The following GRIN2B variants were observed in gnomAD, a reference collection of about 807,000 sequenced individuals.
GRIN2B encodes glutamate receptor ionotropic, NMDA 2B.
A neutral mutation model predicts 114.5 loss-of-function variants in GRIN2B; 5 were observed. That is an observed-to-expected ratio of 0.04 (90% CI 0.02 to 0.09). GRIN2B has a LOEUF of 0.09. Among genes scored for constraint, GRIN2B ranks in the 10% least tolerant of loss-of-function variants. The pLI is 1.00. For synonymous variants in GRIN2B, 787 were observed against 745.1 expected, an observed-to-expected ratio of 1.06 and a Z score of -0.92; for missense variants, 1,108 against 1,943.5, an observed-to-expected ratio of 0.57 and a Z score of 8.08.
intron 10 of GRIN2B, among the ~76,000 whole-genome samples, chr12:13,577,274 G>A (rs1260641335): frequency 1.3e-5 from 2 of 152,216 alleles, no homozygotes; most frequent in Non-Finnish European, 2.9e-5. Context: ...ACTTGCACAA[G>A]GGCAAAACAA....
At chr12:13,751,361 G>A (rs1863480979) in intron 4 of GRIN2B, among the ~76,000 whole-genome samples, 2 of 152,182 alleles carry the variant, frequency 1.3e-5, no homozygotes, top group South Asian at 2.1e-4. Flanking sequence ...TGGCTGCAAT[G>A]TAAATTGAAA....
intron 10 of GRIN2B, among the ~76,000 whole-genome samples, chr12:13,608,079 G>C (rs1483118890): frequency 6.6e-6 from 1 of 152,170 alleles, no homozygotes; most frequent in Non-Finnish European, 1.5e-5. Context: ...ACCACACAGG[G>C]GCAATCATCC....
In GRIN2B at chr12:13,912,562, T is replaced by C. The variant is rs147897486; in HGVS notation, c.-18-46336A>G. Among the ~76,000 whole-genome samples, 13 of 152,308 alleles carry C rather than the reference T, an allele frequency of 8.5e-5. No homozygotes were observed. In the East Asian group the frequency reaches 1.9e-3, roughly 23 times the overall value. The stretch of plus-strand genomic sequence containing the variant: ...CCTCCTGCTCGGAGCTCCGTACTTG[T>C]GGGCACAGGGTGCGGATGTAGCCTT... On this transcript the variant is annotated intron_variant, in intron 2 of 13. Coordinates refer to ENST00000609686, the MANE Select transcript of GRIN2B (RefSeq NM_000834.5).
chr12:13,581,762 T>C (rs1948852935), intron 10 of GRIN2B, among the ~76,000 whole-genome samples: 1 of 151,864 alleles, frequency 6.6e-6, no homozygotes, highest in South Asian at 2.1e-4. Context: ...ATACAAAAAT[T>C]AGCCAGGTGT....
intron 4 of GRIN2B, among the ~76,000 whole-genome samples, chr12:13,710,455 G>GACAC (rs1312035576): frequency 6.6e-6 from 1 of 152,138 alleles, no homozygotes; most frequent in Non-Finnish European, 1.5e-5. Context: ...GTTTGCAGAT[G>GACAC]ACACGATTGT....
At chr12:13,918,840 C>T (rs1866774664) in intron 2 of GRIN2B, among the ~76,000 whole-genome samples, 1 of 152,140 alleles carries the variant, frequency 6.6e-6, no homozygotes. Context: ...TTAGTCCCTC[C>T]CTTCTGTGAT....
intron 10 of GRIN2B, among the ~76,000 whole-genome samples, chr12:13,594,717 T>G (rs1408373031): frequency 6.8e-6 from 1 of 148,058 alleles, no homozygotes. Flanking sequence ...TAGTGCCAAG[T>G]GGAAGGGCAG....
intron 4 of GRIN2B, among the ~76,000 whole-genome samples, chr12:13,736,602 A>T (rs927358257): frequency 2.0e-5 from 3 of 151,414 alleles, no homozygotes; most frequent in Non-Finnish European, 2.9e-5. Context: ...ACTTTCAAAT[A>T]AAAAAAAAGC....
At chr12:13,602,788 G>C (rs1345263400) in intron 10 of GRIN2B, among the ~76,000 whole-genome samples, 1 of 152,176 alleles carries the variant, frequency 6.6e-6, no homozygotes, top group East Asian at 1.9e-4. Flanking sequence ...CAGTGTTGCA[G>C]GCAAAGATAG....
At chr12:13,755,094 C>T (rs557626774) in intron 3 of GRIN2B, among the ~76,000 whole-genome samples, 1 of 152,258 alleles carries the variant, frequency 6.6e-6, no homozygotes, top group Admixed American at 6.5e-5. Flanking sequence ...CATTTTATAG[C>T]AATCCAGGCT....
At chr12:13,713,087 G>A (rs552109088) in intron 4 of GRIN2B, among the ~76,000 whole-genome samples, 1 of 151,938 alleles carries the variant, frequency 6.6e-6, no homozygotes, top group Non-Finnish European at 1.5e-5. Flanking sequence ...ATATAGGCAG[G>A]ATAGAAGTAA....
chr12:13,646,699 A>C (rs917308910), intron 5 of GRIN2B, among the ~76,000 whole-genome samples: 1 of 148,930 alleles, frequency 6.7e-6, no homozygotes, highest in Non-Finnish European at 1.5e-5. Flanking sequence ...TTCCGTATTT[A>C]TTTTCATTTT....
rs140573925 is a variant in GRIN2B at position 13,564,412 on chromosome 12, C to T, written c.2826G>A (p.Thr942=). The change falls in exon 14 of 14, where the codon ACG becomes ACA. Residue 942 remains threonine (T), a synonymous_variant. Transcript: ENST00000609686. This position sits in a 1 kb window ranked among gnomAD's most constrained non-coding sequence, Gnocchi z 4.8. The stretch of plus-strand genomic sequence containing the variant: ...TGTTGTAGGATTTGCAGTCAGAATG[C>T]GTGAAGCTGCGGCGGTGCTCTGAGA... ...YDISEHRRSF[T]HSDCKSYNNP... 129 of 1,614,222 alleles carry T rather than the reference C, an allele frequency of 8.0e-5. No homozygotes were observed. Among genetic ancestry groups the T allele is most frequent in the Non-Finnish European group, 1.0e-4 (118 of 1,180,040 alleles).
intron 3 of GRIN2B, among the ~76,000 whole-genome samples, chr12:13,801,636 G>A (rs1864515980): frequency 6.6e-6 from 1 of 152,100 alleles, no homozygotes; most frequent in African/African-American, 2.4e-5. Context: ...ATTCCTTCCG[G>A]GTGAGGTGAT....
intron 4 of GRIN2B, among the ~76,000 whole-genome samples, chr12:13,742,061 A>G (rs946354312): frequency 2.0e-5 from 3 of 152,240 alleles, no homozygotes; most frequent in Non-Finnish European, 1.5e-5. Context: ...AAGGCATTAC[A>G]GAGTTCTCTG....
rs145602964 is a variant in GRIN2B at position 13,564,594 on chromosome 12, A to C, written c.2644T>G (p.Ser882Ala). The C allele has an allele frequency of 5.2e-5, 84 of 1,613,852 alleles. No homozygotes were observed. The highest frequency in any genetic ancestry group is 6.4e-5 in the Non-Finnish European group (75 of 1,179,992). ...IHGVAIEERQ[S>A]VMNSPTATMN... ...GTTGCGGTGGGGGAGTTCATTACAG[A>C]CTGGCGCTCCTCGATCGCCACCCCA... Residue 882 changes from serine to alanine, a missense_variant, in exon 14 of 14, where the codon TCT becomes GCT. Coordinates refer to ENST00000609686, the MANE Select transcript of GRIN2B (RefSeq NM_000834.5). This position sits in a 1 kb window ranked among gnomAD's most constrained non-coding sequence, Gnocchi z 4.8.
At chr12:13,891,841 G>A (rs1866267856) in intron 2 of GRIN2B, among the ~76,000 whole-genome samples, 1 of 152,150 alleles carries the variant, frequency 6.6e-6, no homozygotes, top group Admixed American at 6.6e-5. Context: ...CCCAGAAGAA[G>A]CTACTGAAGA....
rs892708087 is a variant in GRIN2B at position 13,950,873 on chromosome 12, G to A, written c.-19+29055C>T. ...TTTAATACCTCCAGAATCCCTATCA[G>A]AAATAAATTCAACATGGAATGACAG... is the stretch of plus-strand genomic sequence containing the variant. On this transcript the variant is annotated intron_variant, in intron 2 of 13. Coordinates refer to ENST00000609686, the MANE Select transcript of GRIN2B (RefSeq NM_000834.5). 2.0e-5 allele frequency among the ~76,000 whole-genome samples: 3 copies of A among 152,134 alleles called. No individual in the cohort carries two copies. In the East Asian group the frequency reaches 5.8e-4, roughly 29 times the overall value.
Position 13,825,530 on chromosome 12 carries a change from G to GTGTGTGTA in GRIN2B, c.411+40267_411+40268insTACACACA, listed in dbSNP as rs1302451300. Among the ~76,000 whole-genome samples, 34 of 146,306 alleles carry GTGTGTGTA rather than the reference G, an allele frequency of 2.3e-4. 1 individual carries two copies. The highest frequency in any genetic ancestry group is 4.2e-4 in the Non-Finnish European group (28 of 66,390). ...TGTGTGTGTGTGTGTGTGTGTGTGT[G>GTGTGTGTA]TGTATGATGGAGTTTTGCTCTTGTA... On this transcript the variant is annotated intron_variant, in intron 3 of 13. Transcript: ENST00000609686.
Sources: gnomAD v4.1 joint callset for allele counts (sites outside exome capture counted in the v4.1 genomes callset) on GRCh38, gnomAD v4.1.1 for gene constraint, Gnocchi (gnomAD v3.1) non-coding constraint, MANE v1.5 for transcripts, NCBI Gene and HGNC (gene_info 2026-07-23, HGNC 2026-07-21) for gene names.